Variants in SLC24A4 observed in about 807,000 individuals in gnomAD.
SLC24A4 encodes the protein solute carrier family 24 member 4.
A neutral mutation model predicts 79.0 loss-of-function variants in SLC24A4; 53 were observed. That is an observed-to-expected ratio of 0.67 (90% CI 0.54 to 0.84). The LOEUF is 0.84. Ranked by LOEUF, SLC24A4 falls within the 40% of genes least tolerant of loss-of-function variation. SLC24A4 has a pLI of 0.00. For synonymous variants in SLC24A4, 323 were observed against 323.8 expected, an observed-to-expected ratio of 1.00 and a Z score of 0.03; for missense variants, 731 against 822.0, an observed-to-expected ratio of 0.89 and a Z score of 1.35.
Position 92,441,704 on chromosome 14 carries a change from G to A in SLC24A4, c.394-385G>A, listed in dbSNP as rs1042201539. On this transcript the variant is annotated intron_variant, in intron 4 of 16. Coordinates refer to ENST00000532405, the MANE Select transcript of SLC24A4 (RefSeq NM_153646.4). This position sits in a 1 kb window ranked among gnomAD's most constrained non-coding sequence, Gnocchi z 4.6. ...CATCATCCGGTGAGGGAAGGCAAGC[G>A]TGTGGACCACAAACCCTCATGTGAA... Among the ~76,000 whole-genome samples, 9 of 152,242 alleles carry A rather than the reference G, an allele frequency of 5.9e-5. No homozygotes were observed. The highest frequency in any genetic ancestry group is 2.0e-4 in the Admixed American group (3 of 15,292).
At chr14:92,345,058 G>A (rs985079247) in intron 2 of SLC24A4, among the ~76,000 whole-genome samples, 2 of 152,188 alleles carry the variant, frequency 1.3e-5, no homozygotes, top group Non-Finnish European at 2.9e-5. Context: ...CTGAGGGGCA[G>A]ATAGAGTGCA....
intron 2 of SLC24A4, among the ~76,000 whole-genome samples, chr14:92,412,674 G>A (rs1890785148): frequency 6.6e-6 from 1 of 152,052 alleles, no homozygotes; most frequent in Non-Finnish European, 1.5e-5. Flanking sequence ...CATCCTGCGG[G>A]TCAGGGGGCC....
chr14:92,422,383 T>C (rs1277784776), intron 2 of SLC24A4, among the ~76,000 whole-genome samples: 1 of 152,244 alleles, frequency 6.6e-6, no homozygotes, highest in East Asian at 1.9e-4. Context: ...AACTGTTATG[T>C]CAAAGGGAAG....
At chr14:92,410,028 G>A (rs910769927) in intron 2 of SLC24A4, among the ~76,000 whole-genome samples, 1 of 152,170 alleles carries the variant, frequency 6.6e-6, no homozygotes, top group East Asian at 1.9e-4. Context: ...ACAGACACTG[G>A]TGTCTATTTG....
intron 2 of SLC24A4, among the ~76,000 whole-genome samples, chr14:92,367,477 T>G (rs996365420): frequency 6.6e-6 from 1 of 152,160 alleles, no homozygotes; most frequent in Non-Finnish European, 1.5e-5. Context: ...TGGAGTCAAG[T>G]TTTGTTTATC....
intron 2 of SLC24A4, among the ~76,000 whole-genome samples, chr14:92,416,472 T>C (rs1890991731): frequency 2.6e-5 from 4 of 152,332 alleles, no homozygotes; most frequent in African/African-American, 9.6e-5. Context: ...ATGGCAGAAC[T>C]GAACTTTCCA....
Position 92,454,018 on chromosome 14 carries a change from G to T in SLC24A4, c.999G>T (p.Lys333Asn). Reference sequence around the variant, plus strand: ...GCTTACGAATCATGATCACCAATAAGTTTGGACCCAGGACCCGACTACGGA... The same window carrying T: ...GCTTACGAATCATGATCACCAATAATTTTGGACCCAGGACCCGACTACGGA... ...EAGLRIMITN[K>N]FGPRTRLRMA... Residue 333 changes from lysine to asparagine, a missense_variant, in exon 11 of 17, where the codon AAG (lysine) becomes AAT (asparagine). Transcript: ENST00000532405. 1 of 1,613,742 alleles carries T rather than the reference G, an allele frequency of 6.2e-7. No homozygotes were observed.
chr14:92,446,179 T>A (rs202172011), intron 8 of SLC24A4, among the ~76,000 whole-genome samples: 30,899 of 151,944 alleles, frequency 0.2, 4,104 homozygotes, highest in African/African-American at 0.37. Context: ...ATTCTATGTT[T>A]TTTTTTTTTT....
intron 13 of SLC24A4, among the ~76,000 whole-genome samples, chr14:92,486,363 C>T (rs1440019320): frequency 6.6e-6 from 1 of 152,128 alleles, no homozygotes; most frequent in Non-Finnish European, 1.5e-5. Flanking sequence ...TGTTGGAGGG[C>T]TCAGAGGGCC....
At chr14:92,463,332 T>C (rs1893923518) in intron 12 of SLC24A4, among the ~76,000 whole-genome samples, 1 of 152,200 alleles carries the variant, frequency 6.6e-6, no homozygotes, top group South Asian at 2.1e-4. Flanking sequence ...CTTCCTGTCC[T>C]TTCCTCTTAG....
chr14:92,489,723 C>T (rs1424750557), intron 14 of SLC24A4, among the ~76,000 whole-genome samples: 1 of 152,152 alleles, frequency 6.6e-6, no homozygotes, highest in Non-Finnish European at 1.5e-5. Context: ...GTCGCACTGC[C>T]CTAGAAGTCC....
intron 12 of SLC24A4, chr14:92,461,991 C>CT (rs1370630274): frequency 6.6e-6 from 1 of 152,246 alleles, no homozygotes; most frequent in Non-Finnish European, 1.5e-5. Flanking sequence ...ATTCCAGGCA[C>CT]TTTCATTTAA....
Position 92,413,914 on chromosome 14 carries a change from A to G in SLC24A4, c.242-19998A>G, listed in dbSNP as rs1183807767. On this transcript the variant is annotated intron_variant, in intron 2 of 16. Coordinates refer to ENST00000532405, the MANE Select transcript of SLC24A4 (RefSeq NM_153646.4). The stretch of plus-strand genomic sequence containing the variant: ...ACTGAATGAGACTTTAAGGAGAGGT[A>G]GGGACAGAGGAGAAGGGGTGAGAAT... Among the ~76,000 whole-genome samples, 6 of 152,228 alleles carry G rather than the reference A, an allele frequency of 3.9e-5. No homozygotes were observed. The East Asian group carries it at 1.2e-3, about 29-fold the overall frequency.
chr14:92,326,942 G>A (rs1324573740), intron 2 of SLC24A4, among the ~76,000 whole-genome samples: 4 of 152,164 alleles, frequency 2.6e-5, no homozygotes, highest in African/African-American at 9.7e-5. Flanking sequence ...GGGTATAAAA[G>A]GAGACGGAGC....
At chr14:92,407,433 C>T (rs1419932968) in intron 2 of SLC24A4, among the ~76,000 whole-genome samples, 1 of 152,228 alleles carries the variant, frequency 6.6e-6, no homozygotes, top group Non-Finnish European at 1.5e-5. Flanking sequence ...CAGTACCCCA[C>T]TCTTGATGCC....
intron 2 of SLC24A4, among the ~76,000 whole-genome samples, chr14:92,373,547 C>A (rs1888326821): frequency 6.6e-6 from 1 of 152,188 alleles, no homozygotes; most frequent in Admixed American, 6.5e-5. Context: ...TGAGTGTGAG[C>A]ATTTTTAGAC....
chr14:92,442,860 C>A, intron 6 of SLC24A4, 44 bp downstream of exon 6: 1 of 1,476,472 alleles, frequency 6.8e-7, no homozygotes, highest in Non-Finnish European at 9.5e-7. Flanking sequence ...TGCCCTGAAG[C>A]GTGGGGGATG....
intron 12 of SLC24A4, among the ~76,000 whole-genome samples, chr14:92,468,670 C>G (rs1324019131): frequency 1.3e-5 from 2 of 152,176 alleles, no homozygotes; most frequent in East Asian, 1.9e-4. Flanking sequence ...ATACTCTTTT[C>G]AACAAATGGT....
rs1854903338 is a variant in SLC24A4, at chr14:92,501,271, CTG to C, written c.*7646_*7647del. The C allele has an allele frequency of 6.6e-6, 1 of 152,170 alleles. No homozygotes were observed. The highest frequency in any genetic ancestry group is 1.5e-5 in the Non-Finnish European group (1 of 68,046). The allele number at this position is 152,170 out of a possible 1,614,324, so 9.4% of individuals were successfully genotyped here. On this transcript the variant is annotated 3_prime_UTR_variant, in exon 17 of 17. Coordinates refer to ENST00000532405, the MANE Select transcript of SLC24A4 (RefSeq NM_153646.4). ...TGTGACCTCCTGCACTGTGAATGCT[CTG>C]TGACATGAGATTCTTAGTTTAATAA...
Sources: allele counts gnomAD v4.1 joint callset (sites outside exome capture counted in the v4.1 genomes callset), GRCh38; gene constraint gnomAD v4.1.1; non-coding constraint Gnocchi (gnomAD v3.1); transcripts MANE v1.5; gene names NCBI Gene and HGNC (gene_info 2026-07-23, HGNC 2026-07-21).